Variants in ADAM19 observed in about 807,000 individuals in gnomAD.
ADAM19 encodes disintegrin and metalloproteinase domain-containing protein 19.
In ADAM19, 65 loss-of-function variants were observed where a neutral mutation model predicts 114.7. That is an observed-to-expected ratio of 0.57 (90% CI 0.46 to 0.70). The LOEUF is 0.70. Ranked by LOEUF, ADAM19 falls within the 30% of genes least tolerant of loss-of-function variation. The pLI is 0.00. For missense variants in ADAM19, 1,063 were observed against 1,204.7 expected, an observed-to-expected ratio of 0.88 and a Z score of 1.74; for synonymous variants, 466 against 460.5, an observed-to-expected ratio of 1.01 and a Z score of -0.15.
Position 157,575,671 on chromosome 5 carries a change from C to A in ADAM19, c.26G>T (p.Arg9Leu). The A allele has an allele frequency of 2.2e-6, 3 of 1,359,320 alleles. No homozygotes were observed. The highest frequency in any genetic ancestry group is 2.8e-6 in the Non-Finnish European group (3 of 1,063,970). 84.2% of individuals were successfully genotyped at this position (1,359,320 alleles called of 1,614,324 possible). A position where few individuals can be genotyped will look rare whatever the true frequency, so the allele number is the denominator to read the frequency against. MPGGAGAA[R>L]LCLLAFALQP... ...CAGGGCAAACGCCAGCAAGCAGAGC[C>A]GGGCGGCGCCTGCGCCCCCTGGCAT... The change falls in exon 1 of 23, where the codon CGG (arginine) becomes CTG (leucine). Residue 9 changes from arginine (R) to leucine (L), a missense_variant. Physicochemically the swap from Arg to Leu is moderately radical, Grantham distance 102. Around this residue, in one of 3 missense-constraint regions of ADAM19, gnomAD observed 615 missense variants for 706.3 expected, o/e 0.87. Transcript: ENST00000257527.
At chr5:157,523,323 T>A (rs1756356379) in intron 5 of ADAM19, among the ~76,000 whole-genome samples, 1 of 152,236 alleles carries the variant, frequency 6.6e-6, no homozygotes, top group Non-Finnish European at 1.5e-5. Flanking sequence ...TATCCAGGTC[T>A]GCTGTGGATA....
At chr5:157,561,204 C>G (rs1389076253) in intron 3 of ADAM19, among the ~76,000 whole-genome samples, 1 of 152,208 alleles carries the variant, frequency 6.6e-6, no homozygotes, top group Non-Finnish European at 1.5e-5. Flanking sequence ...AGACAGGCTG[C>G]CGGCTGCCGC....
At chr5:157,528,276 A>G (rs770536464) in intron 5 of ADAM19, among the ~76,000 whole-genome samples, 9 of 152,132 alleles carry the variant, frequency 5.9e-5, no homozygotes, top group Non-Finnish European at 8.8e-5. Context: ...ACCAGACGGA[A>G]GCATGCAAAA....
At chr5:157,546,166 G>A (rs1429876112) in intron 3 of ADAM19, among the ~76,000 whole-genome samples, 1 of 152,230 alleles carries the variant, frequency 6.6e-6, no homozygotes, top group Non-Finnish European at 1.5e-5. Flanking sequence ...GCAGAGGGCA[G>A]GTGTCACTGT....
At chr5:157,483,151 T>C (rs530656341) in intron 21 of ADAM19, among the ~76,000 whole-genome samples, 7 of 152,100 alleles carry the variant, frequency 4.6e-5, no homozygotes, top group Non-Finnish European at 8.8e-5. Flanking sequence ...ATGGCATGTG[T>C]ATACCTATGT....
chr5:157,570,654 C>A, intron 2 of ADAM19: 1 of 433,804 alleles, frequency 2.3e-6, no homozygotes, highest in Admixed American at 4.0e-5. Flanking sequence ...CTGCACTTAG[C>A]TTGTGTCAGC....
In ADAM19 at chr5:157,499,171, T is replaced by C. The variant is rs1381586906; in HGVS notation, c.1398+402A>G. Among the ~76,000 whole-genome samples the C allele has an allele frequency of 2.6e-5, 4 of 152,236 alleles. No individual in the cohort carries two copies. In the East Asian group the frequency reaches 5.8e-4, roughly 22 times the overall value. ...ATAGTCACATATATTTTATGGGGTT[T>C]TTGTGAGGAGAGAATGAGATAACGT... On this transcript the variant is annotated intron_variant, in intron 13 of 22. Transcript: ENST00000257527.
chr5:157,545,143 C>T (rs994798281), intron 3 of ADAM19, among the ~76,000 whole-genome samples: 7 of 152,268 alleles, frequency 4.6e-5, no homozygotes, highest in Non-Finnish European at 8.8e-5. Flanking sequence ...ATAAACTTGC[C>T]CAATGTTTCT....
At chr5:157,517,663 C>T (rs4368711) in intron 7 of ADAM19, among the ~76,000 whole-genome samples, 51,630 of 152,002 alleles carry the variant, frequency 0.34, 9,646 homozygotes, top group African/African-American at 0.49. Context: ...TTACTGCAAA[C>T]TCTGCGATGC....
At chr5:157,536,459 C>G (rs1756768260) in intron 4 of ADAM19, among the ~76,000 whole-genome samples, 1 of 152,184 alleles carries the variant, frequency 6.6e-6, no homozygotes, top group Non-Finnish European at 1.5e-5. Flanking sequence ...GAAACCCTGT[C>G]TCTACTAAAA....
rs536406469 is a variant in ADAM19, at chr5:157,540,593, C to T, written c.252-2602G>A. On this transcript the variant is annotated intron_variant, in intron 3 of 22. Transcript: ENST00000257527. ...CTGTGAGCTCCCCAAAAACAGGGAC[C>T]TTGTGTCTTTGAAGTCTTCTCCCCG... Among the ~76,000 whole-genome samples, 7 of 152,266 alleles carry T rather than the reference C, an allele frequency of 4.6e-5. No homozygotes were observed. In the South Asian group the frequency reaches 1.5e-3, roughly 32 times the overall value.
chr5:157,494,681 C>A lies in ADAM19; in HGVS notation c.1703+6G>T. On this transcript the variant is annotated splice_donor_region_variant and intron_variant, in intron 15 of 22. Coordinates refer to ENST00000257527, the MANE Select transcript of ADAM19 (RefSeq NM_033274.5). The stretch of plus-strand genomic sequence containing the variant: ...CATTTCATGAGGCCTGCCCTTTGGT[C>A]ATCACCTCATGTTGCACTTCCTGTG... 1 of 1,610,940 alleles carries A rather than the reference C, an allele frequency of 6.2e-7. No individual in the cohort carries two copies. The highest frequency in any genetic ancestry group is 1.1e-5 in the South Asian group (1 of 90,868).
chr5:157,497,804 G>GTCTTTGCC (rs1755414156), intron 13 of ADAM19, among the ~76,000 whole-genome samples: 1 of 152,218 alleles, frequency 6.6e-6, no homozygotes, highest in South Asian at 2.1e-4. Context: ...AAAGGGCGAA[G>GTCTTTGCC]AGTCTTACAG....
rs1754626815 is a variant in ADAM19 at position 157,477,371 on chromosome 5, C to T, written c.*3578G>A. The T allele has an allele frequency of 5.0e-6, 5 of 999,184 alleles. No individual in the cohort carries two copies. Among genetic ancestry groups the T allele is most frequent in the Non-Finnish European group, 6.0e-6 (5 of 837,322 alleles). The allele number at this position is 999,184 out of a possible 1,614,324, so 61.9% of individuals were successfully genotyped here. A position where few individuals can be genotyped will look rare whatever the true frequency, so the allele number is the denominator to read the frequency against. ...AACAAGGAAAAAAGGCACCATGGCCCATTCAAGTATTTTGCATAGATGTAC... is the reference window on the plus strand; with the variant it reads ...AACAAGGAAAAAAGGCACCATGGCCTATTCAAGTATTTTGCATAGATGTAC... On this transcript the variant is annotated 3_prime_UTR_variant, in exon 23 of 23. Transcript: ENST00000257527.
chr5:157,515,071 A>G (rs1050813965), intron 7 of ADAM19, among the ~76,000 whole-genome samples: 8 of 152,190 alleles, frequency 5.3e-5, no homozygotes, highest in Non-Finnish European at 1.2e-4. Flanking sequence ...GAAATCCACC[A>G]TTTCCCTTTC....
intron 5 of ADAM19, among the ~76,000 whole-genome samples, chr5:157,528,284 A>G (rs564999563): frequency 1.3e-5 from 2 of 152,290 alleles, no homozygotes; most frequent in East Asian, 3.9e-4. Flanking sequence ...GAAGCATGCA[A>G]AACAGAAACA....
chr5:157,502,706 T>C, intron 12 of ADAM19, 97 bp downstream of exon 12: 1 of 1,385,558 alleles, frequency 7.2e-7, no homozygotes, highest in Non-Finnish European at 1.0e-6. Flanking sequence ...AGGAAACACC[T>C]GTGACTAAGA....
intron 3 of ADAM19, among the ~76,000 whole-genome samples, chr5:157,544,823 A>G (rs1757006004): frequency 6.6e-6 from 1 of 152,252 alleles, no homozygotes; most frequent in Non-Finnish European, 1.5e-5. Context: ...TTTTTGGTAA[A>G]TAACCACAGT....
rs769991032 is a variant in ADAM19, at chr5:157,481,855, G to GA, written c.2638dup (p.Ser880PhefsTer36). ...GCCAGCACCAGGGGGCCGCAGTGGG[G>GA]ATGCACCTCCTGGCCTGGGGAGGCT... On this transcript the variant is annotated frameshift_variant, in exon 22 of 23. Transcript: ENST00000257527. LOFTEE classifies it high-confidence loss of function. The GA allele has an allele frequency of 1.3e-6, 2 of 1,592,228 alleles. No individual in the cohort carries two copies. Among genetic ancestry groups the GA allele is most frequent in the Non-Finnish European group, 1.7e-6 (2 of 1,169,006 alleles).
Sources: allele counts gnomAD v4.1 joint callset (sites outside exome capture counted in the v4.1 genomes callset), GRCh38; gene constraint gnomAD v4.1.1; regional missense constraint gnomAD v4.1.1; transcripts MANE v1.5; gene names NCBI Gene and HGNC (gene_info 2026-07-23, HGNC 2026-07-21).